Variants in COBL observed in about 807,000 individuals in gnomAD.
The protein encoded by COBL is cordon-bleu WH2 repeat protein, also known as protein cordon-bleu.
Under a neutral mutation model 98.8 loss-of-function variants are expected in COBL, and 51 were observed. That is an observed-to-expected ratio of 0.52 (90% CI 0.41 to 0.65). COBL has a LOEUF of 0.65. Ranked by LOEUF, COBL falls within the 30% of genes least tolerant of loss-of-function variation. COBL has a pLI of 0.00. For missense variants in COBL, 1,617 were observed against 1,617.5 expected (o/e 1.00, Z 0.01); for synonymous variants, 634 against 651.7 (o/e 0.97, Z 0.41).
intron 5 of COBL, among the ~76,000 whole-genome samples, chr7:51,138,181 C>T (rs954176209): frequency 1.3e-5 from 2 of 152,140 alleles, no homozygotes; most frequent in African/African-American, 4.8e-5. Flanking sequence ...AAACAGGTGA[C>T]GGTGATATAA....
chr7:51,259,762 A>C (rs2129146666), intron 1 of COBL: 1 of 747,974 alleles, frequency 1.3e-6, no homozygotes, highest in South Asian at 1.3e-5. Flanking sequence ...AGATCACATA[A>C]GTTTCCACTA....
At chr7:51,295,789 A>G (rs984888485) in intron 1 of COBL, among the ~76,000 whole-genome samples, 2 of 152,202 alleles carry the variant, frequency 1.3e-5, no homozygotes, top group African/African-American at 4.8e-5. Flanking sequence ...GAAAAATTTC[A>G]AATCCTGGCA....
intron 1 of COBL, among the ~76,000 whole-genome samples, chr7:51,234,915 G>A (rs778445902): frequency 3.1e-4 from 47 of 152,124 alleles, no homozygotes; most frequent in Non-Finnish European, 5.4e-4. Flanking sequence ...CACTAGAGGA[G>A]GTGAGGGAGG....
rs551768231 is a variant in COBL at position 51,098,224 on chromosome 7, C to CTTTTTT, written c.958-12926_958-12921dup. ...ACTACCAAAATCCCAATAGCAGTTT[C>CTTTTTT]TTTTTTTTTTTTGGAGAAATAGGAA... is the stretch of plus-strand genomic sequence containing the variant. On this transcript the variant is annotated intron_variant, in intron 6 of 12. Transcript: ENST00000265136. Among the ~76,000 whole-genome samples the CTTTTTT allele has an allele frequency of 1.8e-3, 186 of 100,836 alleles. 29 individuals are homozygous for CTTTTTT. Among genetic ancestry groups the CTTTTTT allele is most frequent in the African/African-American group, 6.3e-3 (141 of 22,338 alleles). The allele number at this position is 100,836 out of a possible 152,430, so 66.2% of individuals were successfully genotyped here.
At chr7:51,047,124 T>C (rs542811929) in intron 7 of COBL, among the ~76,000 whole-genome samples, 1 of 152,346 alleles carries the variant, frequency 6.6e-6, no homozygotes, top group African/African-American at 2.4e-5. Context: ...ACTGGCAACT[T>C]TGCTATTCTC....
intron 7 of COBL, among the ~76,000 whole-genome samples, chr7:51,045,282 G>A (rs1315961477): frequency 6.6e-6 from 1 of 152,234 alleles, no homozygotes; most frequent in Non-Finnish European, 1.5e-5. Flanking sequence ...GTGGAGTAAG[G>A]TAATGCTGCT....
intron 2 of COBL, among the ~76,000 whole-genome samples, chr7:51,210,092 C>T (rs2129075794): frequency 1.3e-5 from 2 of 152,302 alleles, no homozygotes; most frequent in African/African-American, 4.8e-5. Context: ...AAATCTCCAC[C>T]TTGTGTGCCA....
intron 6 of COBL, among the ~76,000 whole-genome samples, chr7:51,105,574 C>T (rs1796183319): frequency 6.6e-6 from 1 of 152,076 alleles, no homozygotes; most frequent in South Asian, 2.1e-4. Context: ...CATAGCAAAA[C>T]CCCATCTCTA....
chr7:51,035,352 G>A (rs1034138066), intron 8 of COBL: 6 of 140,498 alleles, frequency 4.3e-5, no homozygotes, highest in African/African-American at 1.8e-4. Context: ...CTAGTACAGT[G>A]GCAGAATTAA....
At chr7:51,080,088 G>A (rs973372751) in intron 7 of COBL, among the ~76,000 whole-genome samples, 2 of 152,188 alleles carry the variant, frequency 1.3e-5, no homozygotes, top group Non-Finnish European at 2.9e-5. Flanking sequence ...GGCCTACTGG[G>A]ACCCCAGCAA....
chr7:51,118,950 G>C (rs1366452223), intron 6 of COBL, among the ~76,000 whole-genome samples: 1 of 152,204 alleles, frequency 6.6e-6, no homozygotes, highest in African/African-American at 2.4e-5. Flanking sequence ...TCAGACCCAT[G>C]TCTGCAGCTC....
intron 1 of COBL, among the ~76,000 whole-genome samples, chr7:51,266,697 G>T (rs1236576787): frequency 6.6e-6 from 1 of 152,226 alleles, no homozygotes; most frequent in Admixed American, 6.5e-5. Context: ...TGCAAGGGCT[G>T]TCCCTGTTTC....
intron 7 of COBL, among the ~76,000 whole-genome samples, chr7:51,057,116 G>A (rs1484726146): frequency 2.6e-5 from 4 of 152,126 alleles, no homozygotes; most frequent in Non-Finnish European, 5.9e-5. Context: ...TTCTCAGACG[G>A]ACTGTCTCAA....
chr7:51,263,575 C>T (rs377038807), intron 1 of COBL, among the ~76,000 whole-genome samples: 2 of 151,412 alleles, frequency 1.3e-5, no homozygotes, highest in Non-Finnish European at 2.9e-5. Context: ...GAGGTCCCCA[C>T]TTTGGTGGGG....
chr7:51,137,558 T>C (rs752524547), intron 5 of COBL, among the ~76,000 whole-genome samples: 9 of 151,178 alleles, frequency 6.0e-5, no homozygotes, highest in South Asian at 4.2e-4. Flanking sequence ...GCTGGTGTCA[T>C]TGGAAGACAG....
At chr7:51,199,850 C>G (rs572286966) in intron 2 of COBL, among the ~76,000 whole-genome samples, 4 of 150,914 alleles carry the variant, frequency 2.7e-5, no homozygotes, top group Admixed American at 1.3e-4. Flanking sequence ...TGGTGGAAAG[C>G]CTATTTAAAG....
chr7:51,179,766 G>A (rs990274905), intron 5 of COBL, among the ~76,000 whole-genome samples: 2 of 151,946 alleles, frequency 1.3e-5, no homozygotes, highest in African/African-American at 4.8e-5. Context: ...GTTGAACAAC[G>A]CAAAAAGAAA....
At chr7:51,096,146 T>C (rs1339094104) in intron 6 of COBL, among the ~76,000 whole-genome samples, 1 of 152,122 alleles carries the variant, frequency 6.6e-6, no homozygotes, top group East Asian at 1.9e-4. Flanking sequence ...ATTAAAAATA[T>C]GAAAATCATA....
At chr7:51,137,412 G>A (rs1799341286) in intron 5 of COBL, among the ~76,000 whole-genome samples, 1 of 152,130 alleles carries the variant, frequency 6.6e-6, no homozygotes, top group Non-Finnish European at 1.5e-5. Flanking sequence ...TCAAATGAGT[G>A]ACTGGATGTA....
Sources: allele counts gnomAD v4.1 joint callset (sites outside exome capture counted in the v4.1 genomes callset), GRCh38; gene constraint gnomAD v4.1.1; transcripts MANE v1.5; gene names NCBI Gene and HGNC (gene_info 2026-07-23, HGNC 2026-07-21).